Variants in HS6ST3 observed in about 807,000 individuals in gnomAD.
HS6ST3 encodes heparan sulfate 6-O-sulfotransferase 3.
HS6ST3 carries 12 observed loss-of-function variants against 36.7 expected under a neutral mutation model. That is an observed-to-expected ratio of 0.33 (90% CI 0.21 to 0.53). The LOEUF is 0.53. HS6ST3 is among the 20% of genes least tolerant of loss of function. HS6ST3 has a pLI of 0.95. For synonymous variants in HS6ST3, 240 were observed against 257.5 expected, an observed-to-expected ratio of 0.93 and a Z score of 0.65; for missense variants, 584 against 640.9, an observed-to-expected ratio of 0.91 and a Z score of 0.96.
intron 1 of HS6ST3, among the ~76,000 whole-genome samples, chr13:96,390,131 C>T (rs964769891): frequency 6.6e-6 from 1 of 152,026 alleles, no homozygotes; most frequent in Non-Finnish European, 1.5e-5. Flanking sequence ...TACAAACTAT[C>T]TTTTTATTTA....
intron 1 of HS6ST3, among the ~76,000 whole-genome samples, chr13:96,199,362 A>G (rs1409717399): frequency 1.3e-5 from 2 of 152,248 alleles, no homozygotes; most frequent in African/African-American, 4.8e-5. Flanking sequence ...GATTTTGTAT[A>G]TATGATATTA....
At chr13:96,783,670 G>C (rs1329212300) in intron 1 of HS6ST3, among the ~76,000 whole-genome samples, 1 of 150,968 alleles carries the variant, frequency 6.6e-6, no homozygotes, top group Admixed American at 6.6e-5. Context: ...CTTCAGGTTT[G>C]TTAGGCAATT....
intron 1 of HS6ST3, among the ~76,000 whole-genome samples, chr13:96,750,651 A>G (rs983413256): frequency 1.3e-5 from 2 of 152,228 alleles, no homozygotes. Context: ...AGACTCATAT[A>G]TAAGTCTGAC....
intron 1 of HS6ST3, among the ~76,000 whole-genome samples, chr13:96,280,234 T>C (rs2054769025): frequency 6.6e-6 from 1 of 152,196 alleles, no homozygotes; most frequent in Non-Finnish European, 1.5e-5. Flanking sequence ...TGCGATGAAA[T>C]ATTTTTTCTT....
chr13:96,580,512 C>T (rs137979067), intron 1 of HS6ST3, among the ~76,000 whole-genome samples: 248 of 151,836 alleles, frequency 1.6e-3, no homozygotes, highest in African/African-American at 5.7e-3. Context: ...TAGGAAAACA[C>T]AGATTGTTTG....
At chr13:96,094,349 C>T (rs116335235) in intron 1 of HS6ST3, among the ~76,000 whole-genome samples, 66 of 152,142 alleles carry the variant, frequency 4.3e-4, no homozygotes, top group African/African-American at 1.5e-3. Context: ...TTAATTGCAA[C>T]GATAGGTTCC....
chr13:96,513,488 T>C (rs1358386304), intron 1 of HS6ST3, among the ~76,000 whole-genome samples: 1 of 152,208 alleles, frequency 6.6e-6, no homozygotes, highest in African/African-American at 2.4e-5. Flanking sequence ...ACCATGATAC[T>C]GACATTTTTA....
intron 1 of HS6ST3, among the ~76,000 whole-genome samples, chr13:96,455,982 T>G (rs2055752769): frequency 6.6e-6 from 1 of 152,204 alleles, no homozygotes; most frequent in South Asian, 2.1e-4. Context: ...CACAATTTCT[T>G]AAGTTGTTCC....
chr13:96,343,306 A>T (rs950636951), intron 1 of HS6ST3, among the ~76,000 whole-genome samples: 1 of 152,212 alleles, frequency 6.6e-6, no homozygotes, highest in African/African-American at 2.4e-5. Context: ...GTCAGCAAGC[A>T]TGCATTCTTT....
chr13:96,156,766 A>G (rs79870363), intron 1 of HS6ST3, among the ~76,000 whole-genome samples: 1,884 of 152,314 alleles, frequency 0.012, 16 homozygotes, highest in Non-Finnish European at 0.021. Flanking sequence ...CTCATTAAAT[A>G]ACTTGATAAA....
At chr13:96,425,014 A>G (rs1594777252) in intron 1 of HS6ST3, among the ~76,000 whole-genome samples, 1 of 152,158 alleles carries the variant, frequency 6.6e-6, no homozygotes, top group East Asian at 1.9e-4. Flanking sequence ...AAGAGGGAGA[A>G]GTTGTGGTTT....
chr13:96,577,875 G>C (rs1270425729), intron 1 of HS6ST3, among the ~76,000 whole-genome samples: 2 of 152,182 alleles, frequency 1.3e-5, no homozygotes, highest in Admixed American at 6.5e-5. Flanking sequence ...AAATAAGAAC[G>C]CTTTTACACT....
intron 1 of HS6ST3, among the ~76,000 whole-genome samples, chr13:96,391,734 T>C (rs1462935595): frequency 1.3e-5 from 2 of 152,108 alleles, no homozygotes; most frequent in Admixed American, 1.3e-4. Context: ...TTTAAAACCA[T>C]CAGATCTTGT....
At chr13:96,488,855 A>T (rs140746299) in intron 1 of HS6ST3, among the ~76,000 whole-genome samples, 1 of 152,040 alleles carries the variant, frequency 6.6e-6, no homozygotes, top group African/African-American at 2.4e-5. Flanking sequence ...TATATTTCCT[A>T]TCACTCACCA....
chr13:96,238,084 C>T (rs1391859977), intron 1 of HS6ST3, among the ~76,000 whole-genome samples: 2 of 152,162 alleles, frequency 1.3e-5, no homozygotes, highest in African/African-American at 2.4e-5. Context: ...GAATTCCATC[C>T]TCCAAACCTG....
rs1022981487 is a variant in HS6ST3 at position 96,368,353 on chromosome 13, T to G, written c.707+276784T>G. Reference sequence around the variant, plus strand: ...GAAGGCTAGTTTGTGTCATAGCATGTTGTATATAAATGCCTATTATATTAA... The same window carrying G: ...GAAGGCTAGTTTGTGTCATAGCATGGTGTATATAAATGCCTATTATATTAA... On this transcript the variant is annotated intron_variant, in intron 1 of 1. Coordinates refer to ENST00000376705, the MANE Select transcript of HS6ST3 (RefSeq NM_153456.4). 2.0e-5 allele frequency among the ~76,000 whole-genome samples: 3 copies of G among 152,248 alleles called. No homozygotes were observed. The East Asian group carries it at 5.8e-4, about 29-fold the overall frequency.
At chr13:96,340,706 T>C (rs2055125726) in intron 1 of HS6ST3, among the ~76,000 whole-genome samples, 2 of 152,238 alleles carry the variant, frequency 1.3e-5, no homozygotes, top group African/African-American at 4.8e-5. Flanking sequence ...CAAGCCCTAC[T>C]CTGCCTGGGC....
intron 1 of HS6ST3, among the ~76,000 whole-genome samples, chr13:96,268,128 T>A (rs1039080060): frequency 3.3e-5 from 5 of 152,010 alleles, no homozygotes; most frequent in African/African-American, 1.2e-4. Flanking sequence ...TTAAATGCCC[T>A]ATACTTAATA....
At chr13:96,461,447 A>G (rs548645149) in intron 1 of HS6ST3, among the ~76,000 whole-genome samples, 2 of 152,352 alleles carry the variant, frequency 1.3e-5, no homozygotes, top group Admixed American at 1.3e-4. Context: ...TGAGGTATAC[A>G]TGTCCTAGAA....
Sources: allele counts gnomAD v4.1 joint callset (sites outside exome capture counted in the v4.1 genomes callset), GRCh38; gene constraint gnomAD v4.1.1; transcripts MANE v1.5; gene names NCBI Gene and HGNC (gene_info 2026-07-23, HGNC 2026-07-21).